Variants in TAF1 observed in about 807,000 individuals in gnomAD.
The protein encoded by TAF1 is TATA-box binding protein associated factor 1, also known as transcription initiation factor TFIID subunit 1.
A neutral mutation model predicts 138.5 loss-of-function variants in TAF1; 2 were observed. That is an observed-to-expected ratio of 0.01 (90% CI 0.01 to 0.05). The LOEUF (loss-of-function observed/expected upper bound fraction) is 0.05, where lower values mean the gene tolerates loss of function less well. Ranked by LOEUF, TAF1 falls within the 10% of genes least tolerant of loss-of-function variation. TAF1 has a pLI of 1.00. For missense variants in TAF1, 709 were observed against 1,478.0 expected (o/e 0.48, Z 8.53); for synonymous variants, 437 against 503.2 (o/e 0.87, Z 1.76).
At chrX:71,380,155 C>T (rs1273852993) in intron 8 of TAF1, among the ~76,000 whole-genome samples, 1 of 111,073 alleles carries the variant, frequency 9.0e-6, no homozygotes, top group African/African-American at 3.3e-5. Flanking sequence ...TAGTTGAGCT[C>T]ATTTCCGTAT....
At chrX:71,503,180 AGAATT>A (rs1379296431) in intron 13 of TAF1, among the ~76,000 whole-genome samples, 2 of 105,368 alleles carry the variant, frequency 1.9e-5, no homozygotes, top group Non-Finnish European at 3.9e-5. Flanking sequence ...TTGAGGCAGG[AGAATT>A]GCTTGAATCT....
intron 32 of TAF1, among the ~76,000 whole-genome samples, chrX:71,440,962 G>A (rs1029338124): frequency 9.3e-6 from 1 of 107,686 alleles, no homozygotes; most frequent in Non-Finnish European, 1.9e-5. Flanking sequence ...TCTTCTTCTT[G>A]TTATCTTTGC....
chrX:71,456,673 T>C (rs2038309834), intron 34 of TAF1, among the ~76,000 whole-genome samples: 1 of 54,225 alleles, frequency 1.8e-5, no homozygotes, highest in Non-Finnish European at 3.2e-5. Flanking sequence ...TTTTTTTTTT[T>C]TTTTTTTTTT....
rs1237489666 is a variant in TAF1, at chrX:71,465,122, T to C, written c.*1076T>C. 1 of 111,619 alleles carries C rather than the reference T, an allele frequency of 9.0e-6. No homozygotes were observed. The highest frequency in any genetic ancestry group is 3.3e-5 in the African/African-American group (1 of 30,707). The allele number at this position is 111,619 out of a possible 1,213,427, so 9.2% of individuals were successfully genotyped here. A position where few individuals can be genotyped will look rare whatever the true frequency, so the allele number is the denominator to read the frequency against. The stretch of plus-strand genomic sequence containing the variant: ...AGAATCATAAAATCCTCAACAGATA[T>C]GTTACTGAGCATCTGCTTTTCATGA... On this transcript the variant is annotated 3_prime_UTR_variant, in exon 38 of 38. Transcript: ENST00000423759.
chrX:71,454,570 C>G (rs1015950664), intron 33 of TAF1, among the ~76,000 whole-genome samples, 171 bp from the exon 34 acceptor site: 1 of 111,501 alleles, frequency 9.0e-6, no homozygotes, highest in African/African-American at 3.3e-5. Flanking sequence ...TCCCTACCCC[C>G]CAACTCCGCA....
At chrX:71,392,199 A>C (rs1001413614) in intron 18 of TAF1, among the ~76,000 whole-genome samples, 1 of 112,035 alleles carries the variant, frequency 8.9e-6, no homozygotes. Context: ...TGTAGTCATT[A>C]GTCTAATTTT....
chrX:71,384,636 T>G (rs1264368159), intron 13 of TAF1, among the ~76,000 whole-genome samples: 1 of 110,995 alleles, frequency 9.0e-6, no homozygotes, highest in Non-Finnish European at 1.9e-5. Context: ...TCTCGATCTC[T>G]TAACCTCGTG....
At chrX:71,451,121 T>C (rs1218319641) in intron 32 of TAF1, among the ~76,000 whole-genome samples, 1 of 112,834 alleles carries the variant, frequency 8.9e-6, no homozygotes, top group African/African-American at 3.2e-5. Flanking sequence ...ATAACTTAGA[T>C]ACAGAAAAGT....
chrX:71,392,459 T>C, intron 18 of TAF1, 110 bp from the exon 19 acceptor site: 1 of 983,360 alleles, frequency 1.0e-6, no homozygotes, highest in Non-Finnish European at 1.3e-6. Flanking sequence ...AATTAAAAAT[T>C]AGAAAAAAAG....
intron 8 of TAF1, among the ~76,000 whole-genome samples, chrX:71,379,622 G>A (rs60823320): frequency 0.07 from 6,786 of 96,685 alleles, 642 homozygotes; most frequent in African/African-American, 0.24. Flanking sequence ...TTTTTGAGAC[G>A]GAGTCTTGCT....
At chrX:71,477,798 A>G (rs2039005032) in intron 13 of TAF1, among the ~76,000 whole-genome samples, 1 of 111,076 alleles carries the variant, frequency 9.0e-6, no homozygotes, top group Non-Finnish European at 1.9e-5. Flanking sequence ...GTTCGAGACC[A>G]GCCTGACCAA....
intron 13 of TAF1, among the ~76,000 whole-genome samples, chrX:71,480,921 G>T (rs1414499305): frequency 1.8e-5 from 2 of 112,136 alleles, no homozygotes; most frequent in African/African-American, 6.5e-5. Flanking sequence ...AGTAATCTAG[G>T]CAGGAGATGA....
intron 32 of TAF1, among the ~76,000 whole-genome samples, chrX:71,447,129 T>C (rs1307568589): frequency 9.0e-6 from 1 of 111,317 alleles, no homozygotes; most frequent in African/African-American, 3.3e-5. Flanking sequence ...GCACTGATCT[T>C]TTTTTTTAAA....
At chrX:71,452,430 G>A (rs1189043776) in intron 32 of TAF1, among the ~76,000 whole-genome samples, 3 of 110,604 alleles carry the variant, frequency 2.7e-5, no homozygotes, top group African/African-American at 6.6e-5. Flanking sequence ...ACGGGGTGGC[G>A]GGGCAGAGGC....
chrX:71,369,597 G>A (rs1385067015), intron 3 of TAF1, among the ~76,000 whole-genome samples: 2 of 108,173 alleles, frequency 1.8e-5, no homozygotes, highest in African/African-American at 6.7e-5. Context: ...CTGATAGGCA[G>A]TGTGTTTCTT....
At chrX:71,405,600 C>G (rs911309161) in intron 25 of TAF1, among the ~76,000 whole-genome samples, 2 of 112,587 alleles carry the variant, frequency 1.8e-5, no homozygotes, top group African/African-American at 3.2e-5. Context: ...ATCCGCCTGC[C>G]TGGGCCTTCC....
chrX:71,450,154 T>TA (rs1236248709), intron 32 of TAF1, among the ~76,000 whole-genome samples: 1 of 111,570 alleles, frequency 9.0e-6, no homozygotes, highest in Non-Finnish European at 1.9e-5. Flanking sequence ...TTATTTTACA[T>TA]ATTTTAAAGA....
chrX:71,425,601 C>T (rs989578267), intron 32 of TAF1, among the ~76,000 whole-genome samples: 3 of 111,288 alleles, frequency 2.7e-5, no homozygotes, highest in Admixed American at 9.6e-5. Context: ...GCTATGATCA[C>T]GCCCCTGCAC....
intron 32 of TAF1, among the ~76,000 whole-genome samples, chrX:71,451,952 T>C (rs1210769488): frequency 3.5e-5 from 4 of 112,871 alleles, no homozygotes; most frequent in East Asian, 5.6e-4. Flanking sequence ...TCCACAAAAC[T>C]GCCATTGTCA....
Sources: gnomAD v4.1 joint callset for allele counts (sites outside exome capture counted in the v4.1 genomes callset) on GRCh38, gnomAD v4.1.1 for gene constraint, MANE v1.5 for transcripts, NCBI Gene and HGNC (gene_info 2026-07-23, HGNC 2026-07-21) for gene names.